SFI1: variants seen among roughly 807,000 people sequenced by gnomAD.
SFI1 encodes protein SFI1 homolog.
Under a neutral mutation model 207.5 loss-of-function variants are expected in SFI1, and 195 were observed. That is an observed-to-expected ratio of 0.94 (90% confidence interval 0.84 to 1.06). The LOEUF is 1.06. SFI1 is among the 50% of genes least tolerant of loss of function. The pLI, the probability that SFI1 is intolerant of heterozygous loss-of-function variation, is 0.00. For synonymous variants in SFI1, 630 were observed against 598.9 expected (o/e 1.05, Z -0.76); for missense variants, 1,634 against 1,588.0 (o/e 1.03, Z -0.49).
intron 4 of SFI1, among the ~76,000 whole-genome samples, chr22:31,541,971 G>A (rs1188270081): frequency 6.7e-6 from 1 of 148,202 alleles, no homozygotes; most frequent in Non-Finnish European, 1.5e-5. Context: ...CATGGTGGTG[G>A]GTACCTGTAG....
chr22:31,610,255 C>CTG (rs1222367538), intron 22 of SFI1, among the ~76,000 whole-genome samples: 1 of 152,136 alleles, frequency 6.6e-6, no homozygotes, highest in East Asian at 1.9e-4. Context: ...CATAACCTGG[C>CTG]TGTGTGTGTG....
At chr22:31,615,365 T>C in intron 29 of SFI1, 86 bp downstream of exon 29, 1 of 1,271,710 alleles carries the variant, frequency 7.9e-7, no homozygotes, top group Non-Finnish European at 1.0e-6. Context: ...GCTGTACTAG[T>C]TTCTGGAAAA....
chr22:31,539,222 G>A (rs2059260281), intron 4 of SFI1, among the ~76,000 whole-genome samples: 1 of 152,086 alleles, frequency 6.6e-6, no homozygotes, highest in African/African-American at 2.4e-5. Context: ...TGACTCCAAT[G>A]GCCCCTCATT....
At chr22:31,580,439 A>G in intron 12 of SFI1, 75 bp downstream of exon 12, 1 of 1,259,488 alleles carries the variant, frequency 7.9e-7, no homozygotes, top group Non-Finnish European at 1.1e-6. Flanking sequence ...AGTCTTGCCA[A>G]ATTAAGCAGA....
intron 2 of SFI1, among the ~76,000 whole-genome samples, chr22:31,509,783 C>T (rs144040910): frequency 6.6e-6 from 1 of 152,110 alleles, no homozygotes; most frequent in Non-Finnish European, 1.5e-5. Flanking sequence ...TCTGTAGTCA[C>T]GAGGTCTATT....
intron 1 of SFI1, among the ~76,000 whole-genome samples, chr22:31,498,849 C>T (rs5753660): frequency 1 from 149,489 of 149,490 alleles, 74,744 homozygotes; most frequent in Non-Finnish European, 1. Flanking sequence ...TGAGGAGTGG[C>T]TTCTTTTTTT....
At chr22:31,553,674 G>A (rs900690779) in intron 6 of SFI1, among the ~76,000 whole-genome samples, 2 of 150,652 alleles carry the variant, frequency 1.3e-5, no homozygotes, top group African/African-American at 4.9e-5. Context: ...AGCCCAGCTG[G>A]TTTTTTAAAA....
intron 4 of SFI1, among the ~76,000 whole-genome samples, chr22:31,543,116 G>A (rs2059730083): frequency 6.6e-6 from 1 of 151,696 alleles, no homozygotes; most frequent in Admixed American, 6.6e-5. Flanking sequence ...GACTACAGGT[G>A]CCCGCCACCA....
chr22:31,547,221 A>G (rs900482681), intron 5 of SFI1, among the ~76,000 whole-genome samples: 1 of 152,184 alleles, frequency 6.6e-6, no homozygotes, highest in African/African-American at 2.4e-5. Context: ...TGTATTGGTT[A>G]TGCTAATACT....
chr22:31,575,512 C>G, intron 10 of SFI1, 120 bp downstream of exon 10: 1 of 1,064,828 alleles, frequency 9.4e-7, no homozygotes, highest in East Asian at 2.7e-5. Flanking sequence ...TCAAAACAGC[C>G]TTATCTCTGT....
intron 24 of SFI1, chr22:31,612,398 A>AAAAATAT (rs1556369798): frequency 5.0e-5 from 3 of 60,192 alleles, no homozygotes; most frequent in African/African-American, 2.0e-4. Flanking sequence ...AAAAAAAAAA[A>AAAAATAT]ATATATATAT....
rs1289577832 is a variant in SFI1 at position 31,613,341 on chromosome 22, GCCCTCCCT to G, written c.2566-12_2566-5del. The G allele has an allele frequency of 6.2e-7, 1 of 1,604,170 alleles. No individual in the cohort carries two copies. Among genetic ancestry groups the G allele is most frequent in the East Asian group, 2.2e-5 (1 of 44,622 alleles). On this transcript the variant is annotated splice_polypyrimidine_tract_variant and splice_region_variant and intron_variant, in intron 25 of 32. Coordinates refer to ENST00000400288, the MANE Select transcript of SFI1 (RefSeq NM_001007467.3). ...CAGGGAGACCTGGGCCTCACCTCCT[GCCCTCCCT>G]GGAGGTGTGGGCCACGTGGCTGGCC...
chr22:31,556,261 C>T (rs1407395496), intron 6 of SFI1, among the ~76,000 whole-genome samples: 1 of 144,338 alleles, frequency 6.9e-6, no homozygotes, highest in Non-Finnish European at 1.5e-5. Context: ...CTTGCTCTGT[C>T]GCCCAGGCTA....
At chr22:31,585,022 A>T in intron 13 of SFI1, 46 bp from the exon 14 acceptor site, 1 of 1,574,086 alleles carries the variant, frequency 6.4e-7, no homozygotes, top group Non-Finnish European at 8.7e-7. Flanking sequence ...CTTAAAACAA[A>T]GTTTTAAAAA....
At chr22:31,555,402 G>A (rs1293042829) in intron 6 of SFI1, among the ~76,000 whole-genome samples, 1 of 152,122 alleles carries the variant, frequency 6.6e-6, no homozygotes, top group Admixed American at 6.6e-5. Flanking sequence ...AGTTATTTCT[G>A]ACATAAGACA....
At chr22:31,526,913 C>T (rs1282019761) in intron 2 of SFI1, among the ~76,000 whole-genome samples, 8 of 151,140 alleles carry the variant, frequency 5.3e-5, no homozygotes, top group South Asian at 4.2e-4. Context: ...TTCTTTCTTC[C>T]TGTCCTGTCT....
chr22:31,532,095 A>G lies in SFI1; in HGVS notation c.338+966A>G, dbSNP rs899584717. ...ATAAATGAATAAAAATAAGAATAAA[A>G]AAGAATCATACTTAAGTAAATCAGG... On this transcript the variant is annotated intron_variant, in intron 4 of 32. Coordinates refer to ENST00000400288, the MANE Select transcript of SFI1 (RefSeq NM_001007467.3). Among the ~76,000 whole-genome samples, 5 of 152,076 alleles carry G rather than the reference A, an allele frequency of 3.3e-5. No individual in the cohort carries two copies. The South Asian group carries it at 1.0e-3, about 32-fold the overall frequency.
Position 31,615,098 on chromosome 22 carries a change from C to G in SFI1, c.3119C>G (p.Pro1040Arg), listed in dbSNP as rs774839001. The G allele has an allele frequency of 1.2e-6, 2 of 1,606,588 alleles. No homozygotes were observed. The highest frequency in any genetic ancestry group is 1.3e-5 in the African/African-American group (1 of 74,812). Reference protein sequence around the residue: ...HGLGMAQPAAPSLTRPFLAEA... With the variant: ...HGLGMAQPAARSLTRPFLAEA... The stretch of plus-strand genomic sequence containing the variant: ...CTAGGCATGGCTCAGCCAGCAGCCC[C>G]CTCCCTGACGCGGCCCTTCCTGGCA... Residue 1040 changes from proline (P) to arginine (R), a missense_variant, in exon 29 of 33, where the codon CCC becomes CGC. By Grantham distance (103) the Pro-to-Arg change is moderately radical. Transcript: ENST00000400288.
intron 4 of SFI1, among the ~76,000 whole-genome samples, chr22:31,536,738 T>C (rs1011698350): frequency 6.6e-6 from 1 of 152,158 alleles, no homozygotes; most frequent in East Asian, 1.9e-4. Context: ...TACTCAATTT[T>C]ATTTATCTAT....
Sources: allele counts gnomAD v4.1 joint callset (sites outside exome capture counted in the v4.1 genomes callset), GRCh38; gene constraint gnomAD v4.1.1; transcripts MANE v1.5; gene names NCBI Gene and HGNC (gene_info 2026-07-23, HGNC 2026-07-21).